The following NECTIN4 variants were observed in gnomAD, a reference collection of about 807,000 sequenced individuals.
NECTIN4 encodes nectin-4.
In NECTIN4, 19 loss-of-function variants were observed where a neutral mutation model predicts 51.7. That is an observed-to-expected ratio of 0.37 (90% CI 0.26 to 0.54). NECTIN4 has a LOEUF of 0.54. NECTIN4 is among the 20% of genes least tolerant of loss of function. NECTIN4 has a pLI of 0.86. For synonymous variants in NECTIN4, 283 were observed against 286.9 expected (o/e 0.99, Z 0.14); for missense variants, 619 against 662.4 (o/e 0.93, Z 0.72).
chr1:161,083,204 T>C (rs1438172791), intron 1 of NECTIN4, among the ~76,000 whole-genome samples: 1 of 152,196 alleles, frequency 6.6e-6, no homozygotes. Flanking sequence ...ATCCTCATTG[T>C]TCTAAATCCA....
At chr1:161,082,550 G>A (rs554387713) in intron 1 of NECTIN4, among the ~76,000 whole-genome samples, 1 of 152,132 alleles carries the variant, frequency 6.6e-6, no homozygotes, top group Non-Finnish European at 1.5e-5. Context: ...GAGTTTTAGT[G>A]AGGCAGCACA....
rs1439550482 is a variant in NECTIN4, at chr1:161,072,823, CTG to C, written c.1369_1370del (p.Gln457AspfsTer2). 3 of 1,614,258 alleles carry C rather than the reference CTG, an allele frequency of 1.9e-6. No individual in the cohort carries two copies. The highest frequency in any genetic ancestry group is 2.5e-6 in the Non-Finnish European group (3 of 1,180,056). ...TLTTVREIETQTELLSPGSGR... is the reference protein window; with the variant it reads ...TLTTVREIETXTELLSPGSGR... The stretch of plus-strand genomic sequence containing the variant: ...CAGAGCCTGGAGACAGCAGTTCAGT[CTG>C]TGTTTCTATCTCCCTCACCGTGGTC... On this transcript the variant is annotated frameshift_variant, in exon 9 of 9. Coordinates refer to ENST00000368012, the MANE Select transcript of NECTIN4 (RefSeq NM_030916.3). LOFTEE classifies it high-confidence loss of function.
chr1:161,079,983 G>A, intron 1 of NECTIN4, 34 bp from the exon 2 acceptor site: 1 of 1,563,306 alleles, frequency 6.4e-7, no homozygotes, highest in South Asian at 1.2e-5. Flanking sequence ...CCACCATTAG[G>A]GGTGCTGCCA....
At chr1:161,076,709 G>A (rs1273466812) in intron 3 of NECTIN4, among the ~76,000 whole-genome samples, 4 of 152,144 alleles carry the variant, frequency 2.6e-5, no homozygotes, top group Non-Finnish European at 5.9e-5. Flanking sequence ...TGTACAATGA[G>A]ACCATAAGTC....
At chr1:161,073,577 A>T in intron 7 of NECTIN4, 143 bp downstream of exon 7, 1 of 851,612 alleles carries the variant, frequency 1.2e-6, no homozygotes, top group Non-Finnish European at 2.0e-6. Context: ...ACACCCTCTC[A>T]ACTCTACCCC....
chr1:161,077,518 G>C lies in NECTIN4; in HGVS notation c.665C>G (p.Thr222Ser). ...CAGGCCAGGATGGGACACCACACAA[G>C]TCAGTGGCTGCCCATTCATGCTGCG... Reference protein sequence around the residue: ...PSRSMNGQPLTCVVSHPGLLQ... With the variant: ...PSRSMNGQPLSCVVSHPGLLQ... Residue 222 changes from threonine to serine, a missense_variant, in exon 3 of 9, where the codon ACT becomes AGT. By Grantham distance (58) the Thr-to-Ser change is moderately conservative (BLOSUM62 1). Transcript: ENST00000368012. 6.2e-7 allele frequency: 1 copy of C among 1,614,132 alleles called. No homozygotes were observed. The highest frequency in any genetic ancestry group is 8.5e-7 in the Non-Finnish European group (1 of 1,180,042).
intron 1 of NECTIN4, among the ~76,000 whole-genome samples, chr1:161,080,271 A>C (rs1277728845): frequency 6.6e-6 from 1 of 152,194 alleles, no homozygotes; most frequent in Non-Finnish European, 1.5e-5. Flanking sequence ...GGGAGGCTGT[A>C]ACAGAACAGG....
Position 161,077,525 on chromosome 1 carries a change from G to C in NECTIN4, c.658C>G (p.Pro220Ala). 1 of 1,614,108 alleles carries C rather than the reference G, an allele frequency of 6.2e-7. No individual in the cohort carries two copies. Among genetic ancestry groups the C allele is most frequent in the Non-Finnish European group, 8.5e-7 (1 of 1,180,036 alleles). Residue 220 changes from proline to alanine, a missense_variant, in exon 3 of 9, where the codon CCA (proline) becomes GCA (alanine). Transcript: ENST00000368012. ...LVPSRSMNGQ[P>A]LTCVVSHPGL... ...GGATGGGACACCACACAAGTCAGTG[G>C]CTGCCCATTCATGCTGCGGCTAGGC...
chr1:161,077,405 C>A (rs777621152), intron 3 of NECTIN4, 48 bp downstream of exon 3: 1 of 1,600,730 alleles, frequency 6.2e-7, no homozygotes, highest in Non-Finnish European at 8.6e-7. Flanking sequence ...TCTCACCAAT[C>A]TGCTGAGAAC....
chr1:161,072,461 A>C lies in NECTIN4; in HGVS notation c.*200T>G, dbSNP rs1653216128. ...CAGGCACACATGCACACACACAGTG[A>C]CCTGCATGCATGGTGGGAGAGACTC... On this transcript the variant is annotated 3_prime_UTR_variant, in exon 9 of 9. Coordinates refer to ENST00000368012, the MANE Select transcript of NECTIN4 (RefSeq NM_030916.3). 1.1e-5 allele frequency: 7 copies of C among 641,932 alleles called. No individual in the cohort carries two copies. The East Asian group carries it at 1.1e-4, about 10-fold the overall frequency. 39.8% of individuals were successfully genotyped at this position (641,932 alleles called of 1,614,324 possible). A position where few individuals can be genotyped will look rare whatever the true frequency, so the allele number is the denominator to read the frequency against.
Position 161,077,643 on chromosome 1 carries a change from G to A in NECTIN4, c.540C>T (p.Ser180=), listed in dbSNP as rs539778714. 6.8e-6 allele frequency: 11 copies of A among 1,613,614 alleles called. No homozygotes were observed. Among genetic ancestry groups the A allele is most frequent in the East Asian group, 4.5e-5 (2 of 44,886 alleles). ...SCTAEGSPAP[S]VTWDTEVKGT... ...CTTTGACCTCCGTGTCCCAGGTCAC[G>A]CTGGGGGCTGGGCTGCCCTCAGCTG... Residue 180 remains serine (S), a synonymous_variant, in exon 3 of 9, where the codon AGC becomes AGT. Transcript: ENST00000368012.
intron 1 of NECTIN4, among the ~76,000 whole-genome samples, chr1:161,088,531 A>G (rs1654048304): frequency 6.6e-6 from 1 of 152,008 alleles, no homozygotes; most frequent in Admixed American, 6.5e-5. Context: ...ACAAATGGGG[A>G]CCACACCCTA....
chr1:161,083,469 G>C (rs1328892231), intron 1 of NECTIN4, among the ~76,000 whole-genome samples: 1 of 152,140 alleles, frequency 6.6e-6, no homozygotes. Flanking sequence ...TTGCCTGCCT[G>C]GTGAGGTCAC....
intron 1 of NECTIN4, chr1:161,087,526 C>T (rs1426973170): frequency 1.3e-5 from 2 of 150,848 alleles, no homozygotes; most frequent in African/African-American, 4.9e-5. Context: ...ACCCAGTGTG[C>T]ACTCAAATGT....
rs757309830 is a variant in NECTIN4, at chr1:161,073,309, C to CCAGACA, written c.1234-16_1234-11dup. 1 of 1,613,374 alleles carries CCAGACA rather than the reference C, an allele frequency of 6.2e-7. No individual in the cohort carries two copies. Among genetic ancestry groups the CCAGACA allele is most frequent in the Admixed American group, 1.7e-5 (1 of 60,004 alleles). ...CTACACTCTCCTCCGGCTGCAGGGC[C>CCAGACA]CAGACACGGGGCAGTTAGAACAGGG... is the stretch of plus-strand genomic sequence containing the variant. On this transcript the variant is annotated splice_polypyrimidine_tract_variant and intron_variant, in intron 7 of 8. Coordinates refer to ENST00000368012, the MANE Select transcript of NECTIN4 (RefSeq NM_030916.3).
chr1:161,084,468 C>G (rs2101675954), intron 1 of NECTIN4: 1 of 152,536 alleles, frequency 6.6e-6, no homozygotes, highest in African/African-American at 2.4e-5. Flanking sequence ...CCTCTGCATC[C>G]TGCCTGGAAT....
chr1:161,073,811 C>G lies in NECTIN4; in HGVS notation c.1158-16G>C. 1 of 1,611,968 alleles carries G rather than the reference C, an allele frequency of 6.2e-7. No individual in the cohort carries two copies. The highest frequency in any genetic ancestry group is 8.5e-7 in the Non-Finnish European group (1 of 1,178,152). ...CTCCTCCTCACTGGGAAAGACACAC[C>G]CTTGTCAGGAGCTGAGGGTAGTGGC... On this transcript the variant is annotated splice_polypyrimidine_tract_variant and intron_variant, in intron 6 of 8. Coordinates refer to ENST00000368012, the MANE Select transcript of NECTIN4 (RefSeq NM_030916.3).
In NECTIN4 at chr1:161,077,363, G is replaced by A. The variant is rs544324074; in HGVS notation, c.730+90C>T. On this transcript the variant is annotated intron_variant, in intron 3 of 8. Transcript: ENST00000368012. ...TATATAGCCTCCAGGACCCAGGCTG[G>A]CCAGCCTGGCATGGCTCAGGGACCT... 97 of 1,463,256 alleles carry A rather than the reference G, an allele frequency of 6.6e-5. No individual in the cohort carries two copies. The South Asian group carries it at 1.0e-3, about 15-fold the overall frequency. The allele number at this position is 1,463,256 out of a possible 1,614,324, so 90.6% of individuals were successfully genotyped here.
Position 161,072,592 on chromosome 1 carries a change from C to A in NECTIN4, c.*69G>T, listed in dbSNP as rs1269410247. The A allele has an allele frequency of 2.9e-6, 4 of 1,364,682 alleles. No individual in the cohort carries two copies. Among genetic ancestry groups the A allele is most frequent in the Non-Finnish European group, 4.2e-6 (4 of 952,636 alleles). The allele number at this position is 1,364,682 out of a possible 1,614,324, so 84.5% of individuals were successfully genotyped here. On this transcript the variant is annotated 3_prime_UTR_variant, in exon 9 of 9. Coordinates refer to ENST00000368012, the MANE Select transcript of NECTIN4 (RefSeq NM_030916.3). Reference sequence around the variant, plus strand: ...AGAAATGGGGGTGTTTAAGGAGGCCCCCAAGATGAGCTAAAATCTCCCATG... The same window carrying A: ...AGAAATGGGGGTGTTTAAGGAGGCCACCAAGATGAGCTAAAATCTCCCATG...
Sources: gnomAD v4.1 joint callset for allele counts (sites outside exome capture counted in the v4.1 genomes callset) on GRCh38, gnomAD v4.1.1 for gene constraint, MANE v1.5 for transcripts, NCBI Gene and HGNC (gene_info 2026-07-23, HGNC 2026-07-21) for gene names.